Variants in KLRD1 observed in about 807,000 individuals in gnomAD.
KLRD1 encodes the protein natural killer cells antigen CD94.
A neutral mutation model predicts 22.6 loss-of-function variants in KLRD1; 21 were observed. The observed-to-expected ratio is 0.93, with a 90% CI of 0.66 to 1.34. KLRD1 has a LOEUF of 1.34. Ranked by LOEUF, KLRD1 falls within the 40% of genes most tolerant of loss-of-function variation. The probability of loss-of-function intolerance (pLI) is 0.00; values close to 1 mark genes in which losing one functional copy is unlikely to be tolerated. For missense variants in KLRD1, 183 were observed against 208.6 expected (o/e 0.88, Z 0.76); for synonymous variants, 59 against 71.1 (o/e 0.83, Z 0.85).
intron 1 of KLRD1, among the ~76,000 whole-genome samples, chr12:10,244,266 C>T (rs143955138): frequency 1.3e-5 from 2 of 152,184 alleles, no homozygotes; most frequent in African/African-American, 2.4e-5. Context: ...GACAAGCAAA[C>T]GCCTAAACAG....
chr12:10,286,669 T>TTTTG (rs1949707829), intron 1 of KLRD1, among the ~76,000 whole-genome samples: 2 of 137,322 alleles, frequency 1.5e-5, no homozygotes, highest in African/African-American at 5.6e-5. Flanking sequence ...GTGCTTTTTT[T>TTTTG]TTTTTTTTTT....
chr12:10,242,323 T>C (rs1298509526), intron 1 of KLRD1, among the ~76,000 whole-genome samples: 1 of 152,058 alleles, frequency 6.6e-6, no homozygotes, highest in East Asian at 1.9e-4. Flanking sequence ...AACAAAATCA[T>C]TAACAAATAT....
At chr12:10,246,753 A>G (rs1402350951) in intron 1 of KLRD1, among the ~76,000 whole-genome samples, 1 of 152,068 alleles carries the variant, frequency 6.6e-6, no homozygotes, top group Non-Finnish European at 1.5e-5. Flanking sequence ...AGGATGGTTG[A>G]TGTGAGGTTT....
chr12:10,288,157 C>T (rs1196008746), intron 1 of KLRD1, among the ~76,000 whole-genome samples: 4 of 148,398 alleles, frequency 2.7e-5, no homozygotes, highest in South Asian at 2.1e-4. Flanking sequence ...GGAGGAGAAT[C>T]GCTGGAACCC....
At chr12:10,268,389 A>C (rs1426885566) in intron 1 of KLRD1, among the ~76,000 whole-genome samples, 1 of 152,202 alleles carries the variant, frequency 6.6e-6, no homozygotes, top group Non-Finnish European at 1.5e-5. Context: ...AAAGTGTTTG[A>C]AAGTAATGTA....
chr12:10,242,195 T>A (rs1949248417), intron 1 of KLRD1, among the ~76,000 whole-genome samples: 1 of 152,018 alleles, frequency 6.6e-6, no homozygotes, highest in Admixed American at 6.6e-5. Context: ...TCCATTTTGA[T>A]TTGTCTTCTG....
chr12:10,303,465 C>CTACA (rs2137679194), upstream of KLRD1, among the ~76,000 whole-genome samples: 1 of 152,234 alleles, frequency 6.6e-6, no homozygotes, highest in African/African-American at 2.4e-5. Flanking sequence ...GATTTTCTTG[C>CTACA]TATGTAAATG....
intron 1 of KLRD1, among the ~76,000 whole-genome samples, chr12:10,295,718 A>G (rs757382988): frequency 6.6e-6 from 1 of 152,190 alleles, no homozygotes; most frequent in Non-Finnish European, 1.5e-5. Context: ...TTTACAATAA[A>G]TCAAAATATA....
At chr12:10,279,004 A>G (rs1164155644) in intron 1 of KLRD1, among the ~76,000 whole-genome samples, 1 of 96,010 alleles carries the variant, frequency 1.0e-5, no homozygotes, top group Admixed American at 1.0e-4. Context: ...TTTTTTTTTA[A>G]TTTTAGGTTT....
rs1950311756 is a variant in KLRD1 at position 10,321,474 on chromosome 12, G to C, written c.*6681G>C. ...ATAAATCATTTGGGGCCAAAGATTA[G>C]ACTCTTGTAAACAGCTTCCTATATG... On this transcript the variant is annotated 3_prime_UTR_variant, in exon 6 of 6. Coordinates refer to ENST00000336164, the MANE Select transcript of KLRD1 (RefSeq NM_002262.5). The C allele has an allele frequency of 6.6e-6, 1 of 152,178 alleles. No homozygotes were observed. The highest frequency in any genetic ancestry group is 1.5e-5 in the Non-Finnish European group (1 of 68,030). 9.4% of individuals were successfully genotyped at this position (152,178 alleles called of 1,614,324 possible). A position where few individuals can be genotyped will look rare whatever the true frequency, so the allele number is the denominator to read the frequency against.
chr12:10,267,684 AAGAAG>A (rs1157549856), intron 1 of KLRD1, among the ~76,000 whole-genome samples: 1 of 152,216 alleles, frequency 6.6e-6, no homozygotes, highest in African/African-American at 2.4e-5. Context: ...CACAGAATGA[AAGAAG>A]AGGAGTCTGT....
At chr12:10,278,550 C>T (rs1033451012) in intron 1 of KLRD1, among the ~76,000 whole-genome samples, 3 of 152,282 alleles carry the variant, frequency 2.0e-5, no homozygotes, top group East Asian at 1.9e-4. Flanking sequence ...AGAACAGTCC[C>T]TGAACTAGTG....
At chr12:10,274,499 G>GTAGTAT (rs1464832597) in intron 1 of KLRD1, among the ~76,000 whole-genome samples, 11 of 152,146 alleles carry the variant, frequency 7.2e-5, no homozygotes, top group African/African-American at 2.7e-4. Context: ...CAATTCAACA[G>GTAGTAT]TAGTATATCA....
Position 10,316,691 on chromosome 12 carries a change from C to G in KLRD1, c.*1898C>G, listed in dbSNP as rs1225218498. On this transcript the variant is annotated 3_prime_UTR_variant, in exon 6 of 6. Transcript: ENST00000336164. ...GGGCTGGAATTACAGGCATAAGCCACTGTGCCCGGCCAGTTTATATAATTT... is the reference window on the plus strand; with the variant it reads ...GGGCTGGAATTACAGGCATAAGCCAGTGTGCCCGGCCAGTTTATATAATTT... 6.6e-6 allele frequency: 1 copy of G among 152,220 alleles called. No homozygotes were observed. Among genetic ancestry groups the G allele is most frequent in the African/African-American group, 2.4e-5 (1 of 41,458 alleles). The allele number at this position is 152,220 out of a possible 1,614,324, so 9.4% of individuals were successfully genotyped here.
At position 10,322,927 on chromosome 12, in the gene KLRD1, A is replaced by G. The variant is rs1333582527; in HGVS notation, c.*8134A>G. 2 of 152,208 alleles carry G rather than the reference A, an allele frequency of 1.3e-5. No individual in the cohort carries two copies. Among genetic ancestry groups the G allele is most frequent in the African/African-American group, 4.8e-5 (2 of 41,454 alleles). The allele number at this position is 152,208 out of a possible 1,614,324, so 9.4% of individuals were successfully genotyped here. ...AATTTCATATAAATGGAAGCTTAGC[A>G]TGTATGATCTTTGTGGCTTCTGTTG... On this transcript the variant is annotated 3_prime_UTR_variant, in exon 6 of 6. Transcript: ENST00000336164.
At chr12:10,313,642 G>A in intron 5 of KLRD1, 129 bp downstream of exon 5, 6 of 481,004 alleles carry the variant, frequency 1.2e-5, no homozygotes, top group South Asian at 8.4e-5. Flanking sequence ...TACAGTAAAA[G>A]GAAAAAGTAC....
At position 10,314,535 on chromosome 12, in the gene KLRD1, T is replaced by C. The variant is rs537352201; in HGVS notation, c.420-138T>C. 13 of 605,200 alleles carry C rather than the reference T, an allele frequency of 2.1e-5. No homozygotes were observed. The African/African-American group carries it at 2.5e-4, about 12-fold the overall frequency. The allele number at this position is 605,200 out of a possible 1,614,324, so 37.5% of individuals were successfully genotyped here. ...TTACACTAGAAAATCATGAAAATTG[T>C]GGTTACTGAAAAAAAAAGGACTCAA... On this transcript the variant is annotated intron_variant, in intron 5 of 5. Transcript: ENST00000336164.
At position 10,320,549 on chromosome 12, in the gene KLRD1, A is replaced by G. The variant is rs767997846; in HGVS notation, c.*5756A>G. Reference sequence around the variant, plus strand: ...ATATCTTGTCTGATTTCTTCCTACTACTTATATTACAATGCTATAGAACAC... The same window carrying G: ...ATATCTTGTCTGATTTCTTCCTACTGCTTATATTACAATGCTATAGAACAC... On this transcript the variant is annotated 3_prime_UTR_variant, in exon 6 of 6. Coordinates refer to ENST00000336164, the MANE Select transcript of KLRD1 (RefSeq NM_002262.5). 1.3e-5 allele frequency: 2 copies of G among 152,208 alleles called. No individual in the cohort carries two copies. The highest frequency in any genetic ancestry group is 2.1e-4 in the South Asian group (1 of 4,834). The allele number at this position is 152,208 out of a possible 1,614,324, so 9.4% of individuals were successfully genotyped here. A position where few individuals can be genotyped will look rare whatever the true frequency, so the allele number is the denominator to read the frequency against.
chr12:10,254,820 G>A (rs1279210316), intron 1 of KLRD1, among the ~76,000 whole-genome samples: 1 of 132,366 alleles, frequency 7.6e-6, no homozygotes, highest in Non-Finnish European at 1.7e-5. Context: ...TTGAACCCAG[G>A]AGGCGGAGAT....
Sources: allele counts gnomAD v4.1 joint callset (sites outside exome capture counted in the v4.1 genomes callset), GRCh38; gene constraint gnomAD v4.1.1; transcripts MANE v1.5; gene names NCBI Gene and HGNC (gene_info 2026-07-23, HGNC 2026-07-21).